The following MALRD1 variants were observed in gnomAD, a reference collection of about 807,000 sequenced individuals.
The protein encoded by MALRD1 is MAM and LDL receptor class A domain containing 1.
Under a neutral mutation model 242.1 loss-of-function variants are expected in MALRD1, and 247 were observed. The observed-to-expected ratio is 1.02, with a 90% CI of 0.92 to 1.13. The LOEUF is 1.13. Ranked by LOEUF, MALRD1 falls within the 50% of genes most tolerant of loss-of-function variation. The probability of loss-of-function intolerance (pLI) is 0.00; values close to 1 mark genes in which losing one functional copy is unlikely to be tolerated. For missense variants in MALRD1, 2,989 were observed against 2,533.1 expected, an observed-to-expected ratio of 1.18 and a Z score of -3.86; for synonymous variants, 995 against 866.6, an observed-to-expected ratio of 1.15 and a Z score of -2.60.
rs1402191831 is a variant in MALRD1 at position 19,204,292 on chromosome 10, T to C, written c.2105-16T>C. 1 of 1,488,956 alleles carries C rather than the reference T, an allele frequency of 6.7e-7. No individual in the cohort carries two copies. Among genetic ancestry groups the C allele is most frequent in the Non-Finnish European group, 9.0e-7 (1 of 1,115,032 alleles). The allele number at this position is 1,488,956 out of a possible 1,614,324, so 92.2% of individuals were successfully genotyped here. On this transcript the variant is annotated splice_polypyrimidine_tract_variant and intron_variant, in intron 15 of 39. Transcript: ENST00000454679. ...TAGGTTAATGAAGCGTTTTTTTTTT[T>C]TTTTTATCTCAACAGGGCATTTTAT...
chr10:19,398,738 A>G (rs12414210), intron 28 of MALRD1, among the ~76,000 whole-genome samples: 22,466 of 152,220 alleles, frequency 0.15, 1,814 homozygotes, highest in East Asian at 0.27. Context: ...CTCAATGTTT[A>G]CATTATTTAT....
intron 13 of MALRD1, among the ~76,000 whole-genome samples, chr10:19,174,726 C>T (rs1250166333): frequency 6.6e-6 from 1 of 151,984 alleles, no homozygotes; most frequent in East Asian, 1.9e-4. Flanking sequence ...TTGATGTGTG[C>T]TTTACTACAG....
Position 19,734,269 on chromosome 10 carries a change from G to A in MALRD1, c.*32G>A. On this transcript the variant is annotated 3_prime_UTR_variant, in exon 40 of 40. Coordinates refer to ENST00000454679, the MANE Select transcript of MALRD1 (RefSeq NM_001142308.3). ...CGAGACCAAGTCTGATCCAACATGT[G>A]TAGTTTCTAGAAAATTGAAGTCTCC... 1.3e-6 allele frequency: 2 copies of A among 1,500,086 alleles called. No homozygotes were observed. The highest frequency in any genetic ancestry group is 1.8e-6 in the Non-Finnish European group (2 of 1,115,534). The allele number at this position is 1,500,086 out of a possible 1,614,324, so 92.9% of individuals were successfully genotyped here.
At chr10:19,730,014 G>A (rs1835221752) in intron 38 of MALRD1, among the ~76,000 whole-genome samples, 1 of 152,126 alleles carries the variant, frequency 6.6e-6, no homozygotes, top group African/African-American at 2.4e-5. Context: ...TGGGATTACA[G>A]GCGTGAGCCA....
At chr10:19,374,934 A>G (rs1005803147) in intron 26 of MALRD1, among the ~76,000 whole-genome samples, 60 of 152,192 alleles carry the variant, frequency 3.9e-4, no homozygotes, top group African/African-American at 1.4e-3. Flanking sequence ...GTAAATCAGA[A>G]GCAAAGGACA....
At chr10:19,145,907 C>A (rs1486990451) in intron 10 of MALRD1, among the ~76,000 whole-genome samples, 1 of 151,944 alleles carries the variant, frequency 6.6e-6, no homozygotes, top group African/African-American at 2.4e-5. Flanking sequence ...TTAGTTACTC[C>A]CTGAGAAGCT....
At chr10:19,409,887 A>G (rs1049896878) in intron 28 of MALRD1, among the ~76,000 whole-genome samples, 1 of 152,130 alleles carries the variant, frequency 6.6e-6, no homozygotes, top group African/African-American at 2.4e-5. Context: ...TTTTATTTTT[A>G]ATTTAACTTA....
At chr10:19,341,482 G>A (rs60819458) in intron 24 of MALRD1, among the ~76,000 whole-genome samples, 4 of 86,800 alleles carry the variant, frequency 4.6e-5, no homozygotes, top group Non-Finnish European at 5.1e-5. Context: ...GTATATATAT[G>A]TGTATATATA....
chr10:19,443,728 T>G (rs912413141), intron 28 of MALRD1, among the ~76,000 whole-genome samples: 2 of 152,272 alleles, frequency 1.3e-5, no homozygotes, highest in Admixed American at 6.5e-5. Flanking sequence ...GCTGAGGAGT[T>G]CTTTACTTCC....
chr10:19,344,603 T>C (rs1362102491), intron 24 of MALRD1, among the ~76,000 whole-genome samples: 1 of 152,000 alleles, frequency 6.6e-6, no homozygotes, highest in Non-Finnish European at 1.5e-5. Flanking sequence ...TTCATTCTTC[T>C]TATACAAAAT....
intron 12 of MALRD1, among the ~76,000 whole-genome samples, chr10:19,156,908 T>G (rs902021011): frequency 1.3e-5 from 2 of 152,100 alleles, no homozygotes; most frequent in Non-Finnish European, 2.9e-5. Context: ...CATGGACATT[T>G]TGGGTGCTTG....
intron 28 of MALRD1, among the ~76,000 whole-genome samples, chr10:19,430,812 AT>A (rs1343145561): frequency 2.0e-5 from 3 of 152,336 alleles, no homozygotes; most frequent in East Asian, 3.9e-4. Context: ...AGCAAGTTAA[AT>A]ATGCCTTGTT....
intron 12 of MALRD1, among the ~76,000 whole-genome samples, chr10:19,158,237 G>A (rs1834250442): frequency 6.6e-6 from 1 of 152,112 alleles, no homozygotes; most frequent in South Asian, 2.1e-4. Context: ...CTTACTTTTA[G>A]GACTTCACAA....
chr10:19,648,820 G>A (rs1589357732), intron 36 of MALRD1, among the ~76,000 whole-genome samples: 1 of 152,170 alleles, frequency 6.6e-6, no homozygotes, highest in East Asian at 1.9e-4. Context: ...GGGATTTGTT[G>A]TACATAATAT....
intron 29 of MALRD1, among the ~76,000 whole-genome samples, chr10:19,454,405 G>GAT (rs141643131): frequency 0.017 from 1,407 of 80,500 alleles, 86 homozygotes; most frequent in African/African-American, 0.065. Context: ...TTATGCATAT[G>GAT]ATATATATAT....
intron 38 of MALRD1, among the ~76,000 whole-genome samples, chr10:19,695,699 T>G (rs1242769929): frequency 6.6e-6 from 1 of 152,036 alleles, no homozygotes; most frequent in Non-Finnish European, 1.5e-5. Context: ...TTTTATTTTT[T>G]ATTTTTAGTA....
At chr10:19,209,758 C>T in intron 18 of MALRD1, 78 bp downstream of exon 18, 4 of 1,344,156 alleles carry the variant, frequency 3.0e-6, no homozygotes, top group Non-Finnish European at 3.0e-6. Context: ...GCTGTATTCT[C>T]TAATTAAAAG....
chr10:19,531,685 T>C (rs952829230), intron 32 of MALRD1, among the ~76,000 whole-genome samples: 2 of 152,242 alleles, frequency 1.3e-5, no homozygotes, highest in Non-Finnish European at 2.9e-5. Flanking sequence ...TGTGATGTGA[T>C]GCATAATGGT....
At chr10:19,157,152 G>T (rs1393699772) in intron 12 of MALRD1, among the ~76,000 whole-genome samples, 1 of 152,082 alleles carries the variant, frequency 6.6e-6, no homozygotes, top group African/African-American at 2.4e-5. Flanking sequence ...GACTGTAGGA[G>T]AATGTTATTG....
Sources: allele counts gnomAD v4.1 joint callset (sites outside exome capture counted in the v4.1 genomes callset), GRCh38; gene constraint gnomAD v4.1.1; transcripts MANE v1.5; gene names NCBI Gene and HGNC (gene_info 2026-07-23, HGNC 2026-07-21).